NEGR1: variants seen among roughly 807,000 people sequenced by gnomAD.
NEGR1 encodes the protein IgLON family member 4.
NEGR1 carries 10 observed loss-of-function variants against 40.9 expected under a neutral mutation model. The ratio of observed to expected loss-of-function variants is 0.24; its 90% CI spans 0.15 to 0.42. The LOEUF (loss-of-function observed/expected upper bound fraction) is 0.42. Ranked by LOEUF, NEGR1 falls within the 10% of genes least tolerant of loss-of-function variation. The probability of loss-of-function intolerance (pLI) is 1.00; values close to 1 mark genes in which losing one functional copy is unlikely to be tolerated. For synonymous variants in NEGR1, 185 were observed against 166.8 expected (o/e 1.11, Z -0.84); for missense variants, 352 against 438.9 (o/e 0.80, Z 1.77).
intron 1 of NEGR1, among the ~76,000 whole-genome samples, chr1:72,069,761 T>A (rs1178094907): frequency 1.3e-5 from 2 of 152,076 alleles, no homozygotes; most frequent in Admixed American, 1.3e-4. Context: ...TGAAACAGCT[T>A]TAGAAATAAA....
At chr1:72,207,591 T>C (rs935023712) in intron 1 of NEGR1, among the ~76,000 whole-genome samples, 1 of 151,790 alleles carries the variant, frequency 6.6e-6, no homozygotes, top group Non-Finnish European at 1.5e-5. Context: ...ATCCTATGTA[T>C]ACTATTTTAC....
intron 4 of NEGR1, among the ~76,000 whole-genome samples, chr1:71,633,393 G>T (rs1651040694): frequency 6.6e-6 from 1 of 151,996 alleles, no homozygotes; most frequent in South Asian, 2.1e-4. Context: ...TTGTATTGTT[G>T]GTAATTTTTC....
chr1:71,711,341 C>CAAG (rs1383120949), intron 3 of NEGR1, among the ~76,000 whole-genome samples: 1 of 58,708 alleles, frequency 1.7e-5, no homozygotes, highest in Non-Finnish European at 3.0e-5. Flanking sequence ...GAGATTCCAC[C>CAAG]AAAAAAAAAA....
intron 4 of NEGR1, among the ~76,000 whole-genome samples, chr1:71,618,173 A>G (rs1424842537): frequency 6.6e-6 from 1 of 152,196 alleles, no homozygotes; most frequent in Non-Finnish European, 1.5e-5. Context: ...CAGCTGGTGC[A>G]TGATCGTCTT....
chr1:72,070,143 A>G (rs112808421), intron 1 of NEGR1, among the ~76,000 whole-genome samples: 2,274 of 152,178 alleles, frequency 0.015, 54 homozygotes, highest in African/African-American at 0.052. Context: ...TTAAAATATT[A>G]TATCACTGAA....
intron 2 of NEGR1, among the ~76,000 whole-genome samples, chr1:71,781,092 AT>A (rs1656699200): frequency 6.6e-6 from 1 of 152,142 alleles, no homozygotes; most frequent in East Asian, 1.9e-4. Context: ...GAAATAAATT[AT>A]TTTTGTTTGT....
At chr1:71,472,912 A>G (rs1029924750) in intron 6 of NEGR1, among the ~76,000 whole-genome samples, 9 of 152,082 alleles carry the variant, frequency 5.9e-5, no homozygotes, top group African/African-American at 9.6e-5. Context: ...CTGAAAAATT[A>G]AAAGATTAAA....
intron 1 of NEGR1, among the ~76,000 whole-genome samples, chr1:72,025,602 T>C (rs1195597743): frequency 2.0e-5 from 3 of 152,114 alleles, no homozygotes; most frequent in Non-Finnish European, 2.9e-5. Flanking sequence ...ATAGAAAAAG[T>C]TACTGAAGAA....
At chr1:72,120,983 TACA>T (rs941763828) in intron 1 of NEGR1, among the ~76,000 whole-genome samples, 61 of 152,224 alleles carry the variant, frequency 4.0e-4, no homozygotes, top group African/African-American at 1.4e-3. Context: ...TGTGGAAATT[TACA>T]ACAAATGTTT....
chr1:71,863,211 A>G (rs1570443326), intron 2 of NEGR1, among the ~76,000 whole-genome samples: 1 of 152,206 alleles, frequency 6.6e-6, no homozygotes, highest in Non-Finnish European at 1.5e-5. Flanking sequence ...ATGCCCATCA[A>G]TGATAGACTG....
intron 1 of NEGR1, among the ~76,000 whole-genome samples, chr1:72,168,952 A>G (rs1450304202): frequency 6.6e-6 from 1 of 152,128 alleles, no homozygotes; most frequent in African/African-American, 2.4e-5. Flanking sequence ...TGTGCGTACA[A>G]AAAGTAACTG....
intron 4 of NEGR1, among the ~76,000 whole-genome samples, chr1:71,660,264 G>A (rs1457287439): frequency 6.6e-6 from 1 of 152,124 alleles, no homozygotes; most frequent in Non-Finnish European, 1.5e-5. Flanking sequence ...TTGTAAGTGA[G>A]AGCTAAATGA....
At chr1:72,182,220 A>G (rs10789334) in intron 1 of NEGR1, among the ~76,000 whole-genome samples, 129,225 of 152,208 alleles carry the variant, frequency 0.85, 55,254 homozygotes, top group East Asian at 0.99. Flanking sequence ...TTAGCTGGGC[A>G]CAATGGCTTT....
chr1:71,837,363 A>C (rs960024661), intron 2 of NEGR1, among the ~76,000 whole-genome samples: 8 of 152,230 alleles, frequency 5.3e-5, no homozygotes, highest in African/African-American at 1.9e-4. Context: ...GGCAGCTGTT[A>C]AGAGGAGGAT....
intron 2 of NEGR1, among the ~76,000 whole-genome samples, chr1:71,786,681 T>C (rs1394795401): frequency 6.6e-6 from 1 of 152,078 alleles, no homozygotes; most frequent in Admixed American, 6.6e-5. Context: ...TTTGTGATAG[T>C]TGGTTTGTGT....
At chr1:72,067,340 G>C (rs925753629) in intron 1 of NEGR1, among the ~76,000 whole-genome samples, 1 of 151,970 alleles carries the variant, frequency 6.6e-6, no homozygotes, top group Non-Finnish European at 1.5e-5. Context: ...TTTGTAAAAA[G>C]TTCACAGAGT....
chr1:72,012,287 C>T (rs1646663567), intron 1 of NEGR1, among the ~76,000 whole-genome samples: 1 of 152,062 alleles, frequency 6.6e-6, no homozygotes, highest in South Asian at 2.1e-4. Flanking sequence ...AAATGGACTC[C>T]CCCATGGCTA....
intron 2 of NEGR1, among the ~76,000 whole-genome samples, chr1:71,811,513 T>G (rs1657998836): frequency 6.6e-6 from 1 of 151,906 alleles, no homozygotes; most frequent in African/African-American, 2.4e-5. Context: ...TCCTTTCATT[T>G]TCTTCATAGT....
intron 3 of NEGR1, among the ~76,000 whole-genome samples, chr1:71,730,954 T>A (rs1321092985): frequency 1.3e-5 from 2 of 150,130 alleles, no homozygotes; most frequent in African/African-American, 2.5e-5. Flanking sequence ...GAAATTACCA[T>A]GGAAAAGAAA....
Sources: gnomAD v4.1 joint callset for allele counts (sites outside exome capture counted in the v4.1 genomes callset) on GRCh38, gnomAD v4.1.1 for gene constraint, MANE v1.5 for transcripts, NCBI Gene and HGNC (gene_info 2026-07-23, HGNC 2026-07-21) for gene names.